The following ZCCHC4 variants were observed in gnomAD, a reference collection of about 807,000 sequenced individuals.
ZCCHC4 encodes the protein rRNA N(6)-adenosine-methyltransferase ZCCHC4.
A neutral mutation model predicts 67.7 loss-of-function variants in ZCCHC4; 54 were observed. The ratio of observed to expected loss-of-function variants is 0.80; its 90% CI spans 0.64 to 1.00. ZCCHC4 has a LOEUF of 1.00. Among genes scored for constraint, ZCCHC4 ranks in the 50% least tolerant of loss-of-function variants. ZCCHC4 has a pLI of 0.00. For synonymous variants in ZCCHC4, 198 were observed against 213.5 expected, an observed-to-expected ratio of 0.93 and a Z score of 0.63; for missense variants, 609 against 617.0, an observed-to-expected ratio of 0.99 and a Z score of 0.14.
At chr4:25,349,689 T>A in intron 7 of ZCCHC4, 47 bp downstream of exon 7, 1 of 1,579,192 alleles carries the variant, frequency 6.3e-7, no homozygotes, top group Non-Finnish European at 8.7e-7. Context: ...ATATATCTAC[T>A]TCCTGTCAAA....
chr4:25,322,666 C>T (rs10939053), intron 3 of ZCCHC4, among the ~76,000 whole-genome samples: 11,749 of 151,952 alleles, frequency 0.077, 507 homozygotes, highest in South Asian at 0.11. Context: ...TACAGGTGCA[C>T]GCCACCATGC....
rs1251675853 is a variant in ZCCHC4 at position 25,312,880 on chromosome 4, G to C, written c.71G>C (p.Gly24Ala). ...AGCGCAGGGTGCCGGGGAAGCTCGG[G>C]AATGGAGGTGGTGCTTCCTTTGGAT... ...EGSAGCRGSS[G>A]MEVVLPLDPA... Residue 24 changes from glycine (G) to alanine (A), a missense_variant, in exon 1 of 13, where the codon GGA (glycine) becomes GCA (alanine). Coordinates refer to ENST00000302874, the MANE Select transcript of ZCCHC4 (RefSeq NM_024936.3). The C allele has an allele frequency of 6.2e-7, 1 of 1,612,994 alleles. No individual in the cohort carries two copies. Among genetic ancestry groups the C allele is most frequent in the African/African-American group, 1.3e-5 (1 of 74,998 alleles).
At chr4:25,313,811 G>A (rs908137030) in intron 1 of ZCCHC4, among the ~76,000 whole-genome samples, 1 of 152,162 alleles carries the variant, frequency 6.6e-6, no homozygotes, top group African/African-American at 2.4e-5. Context: ...ATCTCAGTGA[G>A]CCATGATTGT....
At chr4:25,314,824 C>A (rs943300952) in intron 2 of ZCCHC4, among the ~76,000 whole-genome samples, 1 of 152,196 alleles carries the variant, frequency 6.6e-6, no homozygotes, top group South Asian at 2.1e-4. Context: ...AAATCATGAT[C>A]ATTCCAGAAA....
At chr4:25,355,349 C>A (rs891945331) in intron 8 of ZCCHC4, among the ~76,000 whole-genome samples, 2 of 152,106 alleles carry the variant, frequency 1.3e-5, no homozygotes, top group Non-Finnish European at 2.9e-5. Flanking sequence ...TGGTACTAAG[C>A]CTGATAAATT....
chr4:25,329,046 G>A (rs1443842711), intron 3 of ZCCHC4, among the ~76,000 whole-genome samples: 5 of 152,016 alleles, frequency 3.3e-5, no homozygotes, highest in African/African-American at 9.7e-5. Context: ...AATTAGCCAG[G>A]TGTGGTGGCA....
chr4:25,322,971 C>T (rs186557260), intron 3 of ZCCHC4, among the ~76,000 whole-genome samples: 3 of 152,322 alleles, frequency 2.0e-5, no homozygotes, highest in Admixed American at 2.0e-4. Flanking sequence ...ATTTCTCCTT[C>T]CCCAGTAGCA....
At chr4:25,321,050 G>T (rs1316648108) in intron 3 of ZCCHC4, among the ~76,000 whole-genome samples, 1 of 152,104 alleles carries the variant, frequency 6.6e-6, no homozygotes, top group East Asian at 1.9e-4. Context: ...CCATATTTGA[G>T]TAACAAAACC....
At chr4:25,339,156 C>A (rs932851967) in intron 5 of ZCCHC4, among the ~76,000 whole-genome samples, 21 of 152,144 alleles carry the variant, frequency 1.4e-4, no homozygotes, top group Admixed American at 2.6e-4. Flanking sequence ...GGATACCAGT[C>A]AGATTGGAGT....
At chr4:25,330,778 G>C (rs1416105667) in intron 3 of ZCCHC4, among the ~76,000 whole-genome samples, 1 of 152,140 alleles carries the variant, frequency 6.6e-6, no homozygotes, top group Non-Finnish European at 1.5e-5. Context: ...TTCCACTCTG[G>C]CTTGTTGGGA....
chr4:25,315,442 A>AT (rs750823492), intron 3 of ZCCHC4, 42 bp downstream of exon 3: 58 of 1,483,686 alleles, frequency 3.9e-5, no homozygotes, highest in South Asian at 1.4e-4. Flanking sequence ...TTTAGCTGTC[A>AT]TTTTTTTTGT....
At chr4:25,353,854 G>GCATTGTCATCACCATCACTGT (rs1307992217) in intron 8 of ZCCHC4, among the ~76,000 whole-genome samples, 1 of 152,078 alleles carries the variant, frequency 6.6e-6, no homozygotes, top group East Asian at 1.9e-4. Flanking sequence ...CTTGCTGTCG[G>GCATTGTCATCACCATCACTGT]CATTGTCATC....
At chr4:25,335,754 CT>C (rs1165295818) in intron 5 of ZCCHC4, among the ~76,000 whole-genome samples, 8 of 152,114 alleles carry the variant, frequency 5.3e-5, no homozygotes, top group East Asian at 1.9e-4. Context: ...AGTGAGACCC[CT>C]GTCTCAAAAA....
rs371633262 is a variant in ZCCHC4, at chr4:25,364,613, G to A, written c.1261+108G>A. On this transcript the variant is annotated intron_variant, in intron 11 of 12. Coordinates refer to ENST00000302874, the MANE Select transcript of ZCCHC4 (RefSeq NM_024936.3). ...TATAAACGAAAAAATAATCAGTGTAGAGACTTGTAATTTATTTGCTTTTTA... is the reference window on the plus strand; with the variant it reads ...TATAAACGAAAAAATAATCAGTGTAAAGACTTGTAATTTATTTGCTTTTTA... The A allele has an allele frequency of 2.8e-5, 28 of 987,470 alleles. No homozygotes were observed. In the African/African-American group the frequency reaches 4.2e-4, roughly 15 times the overall value. 61.2% of individuals were successfully genotyped at this position (987,470 alleles called of 1,614,324 possible). A position where few individuals can be genotyped will look rare whatever the true frequency, so the allele number is the denominator to read the frequency against.
chr4:25,362,365 T>G, intron 10 of ZCCHC4, 64 bp downstream of exon 10: 1 of 1,094,900 alleles, frequency 9.1e-7, no homozygotes, highest in Non-Finnish European at 1.3e-6. Context: ...GTTTACTAGT[T>G]TTATTACTTT....
At chr4:25,355,825 C>T (rs1720494050) in intron 8 of ZCCHC4, among the ~76,000 whole-genome samples, 1 of 152,090 alleles carries the variant, frequency 6.6e-6, no homozygotes, top group Non-Finnish European at 1.5e-5. Flanking sequence ...CAAATGAGAG[C>T]TTATGGGATA....
At chr4:25,352,860 A>G (rs1283911424) in intron 8 of ZCCHC4, among the ~76,000 whole-genome samples, 3 of 152,248 alleles carry the variant, frequency 2.0e-5, no homozygotes, top group African/African-American at 7.2e-5. Context: ...CTGAAGGCAT[A>G]TACCATTATG....
Position 25,361,913 on chromosome 4 carries a change from T to C in ZCCHC4, c.1066T>C (p.Ser356Pro). ...ACACGGAAAGACAGGTCGAAAACAG[T>C]CTCCCGTGCGTATTTTCACCAACAT... ...YKHGKTGRKQ[S>P]PVRIFTNIPP... Residue 356 changes from serine (S) to proline (P), a missense_variant, in exon 9 of 13, where the codon TCT (serine) becomes CCT (proline). Coordinates refer to ENST00000302874, the MANE Select transcript of ZCCHC4 (RefSeq NM_024936.3). The C allele has an allele frequency of 6.2e-7, 1 of 1,613,808 alleles. No individual in the cohort carries two copies. The highest frequency in any genetic ancestry group is 1.3e-5 in the African/African-American group (1 of 75,008).
At chr4:25,336,380 T>A (rs1490473464) in intron 5 of ZCCHC4, among the ~76,000 whole-genome samples, 3 of 152,266 alleles carry the variant, frequency 2.0e-5, no homozygotes, top group Admixed American at 2.0e-4. Flanking sequence ...AACTTCTTTT[T>A]TTAAATTCTG....
Sources: allele counts gnomAD v4.1 joint callset (sites outside exome capture counted in the v4.1 genomes callset), GRCh38; gene constraint gnomAD v4.1.1; transcripts MANE v1.5; gene names NCBI Gene and HGNC (gene_info 2026-07-23, HGNC 2026-07-21).